AMZ2: variants seen among roughly 807,000 people sequenced by gnomAD.
AMZ2 encodes archaemetzincin-2.
In AMZ2, 26 loss-of-function variants were observed where a neutral mutation model predicts 36.7. The observed-to-expected ratio is 0.71, with a 90% CI of 0.52 to 0.98. AMZ2 has a LOEUF of 0.98. Among genes scored for constraint, AMZ2 ranks in the 50% least tolerant of loss-of-function variants. The probability of loss-of-function intolerance (pLI) is 0.00; values close to 1 mark genes in which losing one functional copy is unlikely to be tolerated. For synonymous variants in AMZ2, 144 were observed against 149.1 expected (o/e 0.97, Z 0.25); for missense variants, 394 against 430.5 (o/e 0.92, Z 0.75).
At chr17:68,252,997 G>T (rs1247083121) in intron 4 of AMZ2, among the ~76,000 whole-genome samples, 1 of 152,132 alleles carries the variant, frequency 6.6e-6, no homozygotes, top group African/African-American at 2.4e-5. Flanking sequence ...GAAAGTAGCA[G>T]GATTAGACAG....
rs117775859 is a variant in AMZ2 at position 68,235,144 on chromosome 17, G to A, written c.-66-13496G>A. On this transcript the variant is annotated intron_variant, in intron 1 of 7. Transcript: ENST00000674770. This position sits in a 1 kb window ranked among gnomAD's most constrained non-coding sequence, Gnocchi z 4.2. ...GGCCCTTTTGTCAGCGGGCATTTCC[G>A]TAATTAGAACTTGTGACCAACACAT... Among the ~76,000 whole-genome samples, 2 of 152,176 alleles carry A rather than the reference G, an allele frequency of 1.3e-5. No individual in the cohort carries two copies. Among genetic ancestry groups the A allele is most frequent in the South Asian group, 2.1e-4 (1 of 4,834 alleles).
At chr17:68,231,302 C>T (rs1471542805) in intron 1 of AMZ2, among the ~76,000 whole-genome samples, 2 of 152,202 alleles carry the variant, frequency 1.3e-5, no homozygotes, top group Non-Finnish European at 2.9e-5. Flanking sequence ...AATTCCTGGG[C>T]TTACATGATC....
At chr17:68,222,485 A>T (rs2073393268) in intron 1 of AMZ2, among the ~76,000 whole-genome samples, 1 of 152,212 alleles carries the variant, frequency 6.6e-6, no homozygotes, top group Admixed American at 6.5e-5. Flanking sequence ...GGGATGATTA[A>T]AGCATATTAC....
chr17:68,216,857 C>T (rs1310044863), intron 1 of AMZ2, among the ~76,000 whole-genome samples: 2 of 151,940 alleles, frequency 1.3e-5, no homozygotes, highest in African/African-American at 4.8e-5. Context: ...GGTGAAATCC[C>T]ATCTCTACTA....
Position 68,254,509 on chromosome 17 carries a change from T to C in AMZ2, c.692T>C (p.Ile231Thr). The change falls in exon 5 of 7, where the codon ATT becomes ACT. Residue 231 changes from isoleucine (I) to threonine (T), a missense_variant. Coordinates refer to ENST00000359904, the MANE Select transcript of AMZ2 (RefSeq NM_016627.5). ...LKKTSSSDYS[I>T]FDNYYIPEIT... ...AAAACATCTTCAAGTGACTATTCAA[T>C]TTTCGACAACTATTATATTCCAGAA... 2 of 1,613,488 alleles carry C rather than the reference T, an allele frequency of 1.2e-6. No homozygotes were observed. The highest frequency in any genetic ancestry group is 8.5e-7 in the Non-Finnish European group (1 of 1,179,620).
chr17:68,248,025 G>C (rs781471721), upstream of AMZ2: 152 of 986,536 alleles, frequency 1.5e-4, no homozygotes, highest in Non-Finnish European at 1.8e-4. Context: ...CGTGGCGCCA[G>C]TGGGCGTGGC....
chr17:68,250,192 A>G lies in AMZ2; in HGVS notation c.5A>G (p.Gln2Arg), dbSNP rs2074341016. Reference protein sequence around the residue: MQIIRHSEQTLK... With the variant: MRIIRHSEQTLK... ...TTACTTGCTTTTTTTTGTTAGATGC[A>G]AATAATACGGCACTCCGAACAGACA... Residue 2 changes from glutamine (Q) to arginine (R), a missense_variant, in exon 2 of 7, where the codon CAA (glutamine) becomes CGA (arginine). Transcript: ENST00000359904. The G allele has an allele frequency of 6.2e-7, 1 of 1,609,394 alleles. No individual in the cohort carries two copies. The highest frequency in any genetic ancestry group is 8.5e-7 in the Non-Finnish European group (1 of 1,178,158).
At chr17:68,247,799 G>T, upstream of AMZ2, 1 of 985,580 alleles carries the variant, frequency 1.0e-6, no homozygotes, top group Non-Finnish European at 1.2e-6. Flanking sequence ...CGCCGCGAGC[G>T]CAAGCGAGGA....
upstream of AMZ2, among the ~76,000 whole-genome samples, chr17:68,246,370 GTAA>G (rs1284917016): frequency 2.6e-5 from 4 of 151,866 alleles, no homozygotes; most frequent in Non-Finnish European, 2.9e-5. Flanking sequence ...TTCGTGTCAA[GTAA>G]TAATAATAAA....
chr17:68,216,712 T>C (rs1283547859), intron 1 of AMZ2, among the ~76,000 whole-genome samples: 1 of 152,160 alleles, frequency 6.6e-6, no homozygotes, highest in Non-Finnish European at 1.5e-5. Context: ...TGTAATGGTT[T>C]TTGTTATATC....
At chr17:68,220,762 C>CT (rs1157247755) in intron 1 of AMZ2, among the ~76,000 whole-genome samples, 1 of 145,988 alleles carries the variant, frequency 6.8e-6, no homozygotes, top group Non-Finnish European at 1.5e-5. Flanking sequence ...ATCAGGGACA[C>CT]TTTTTTTCTT....
chr17:68,211,058 T>C (rs2073031379), intron 1 of AMZ2, among the ~76,000 whole-genome samples: 1 of 152,142 alleles, frequency 6.6e-6, no homozygotes, highest in African/African-American at 2.4e-5. Context: ...AAATCTTGTT[T>C]AGTGAAATCA....
intron 1 of AMZ2, among the ~76,000 whole-genome samples, chr17:68,241,653 T>C (rs1476651362): frequency 6.6e-6 from 1 of 152,108 alleles, no homozygotes; most frequent in Non-Finnish European, 1.5e-5. Context: ...TACAATGCTT[T>C]TAGTACTTCT....
chr17:68,218,257 T>C (rs2073253150), intron 1 of AMZ2, among the ~76,000 whole-genome samples: 1 of 152,246 alleles, frequency 6.6e-6, no homozygotes, highest in African/African-American at 2.4e-5. Context: ...ATCTTTGCTC[T>C]GAAATTAGGA....
intron 1 of AMZ2, among the ~76,000 whole-genome samples, chr17:68,225,458 C>G (rs1221288302): frequency 1.3e-5 from 2 of 152,180 alleles, no homozygotes; most frequent in African/African-American, 4.8e-5. Flanking sequence ...GAATTCAGCT[C>G]TCCTCTATTT....
chr17:68,250,685 A>C (rs1555738980), intron 2 of AMZ2, 109 bp from the exon 3 acceptor site: 1 of 1,233,498 alleles, frequency 8.1e-7, no homozygotes, highest in Non-Finnish European at 1.1e-6. Flanking sequence ...AAGGTTATTG[A>C]AAATTTAGAG....
At chr17:68,231,259 G>C (rs2073656556) in intron 1 of AMZ2, among the ~76,000 whole-genome samples, 1 of 151,824 alleles carries the variant, frequency 6.6e-6, no homozygotes, top group African/African-American at 2.4e-5. Flanking sequence ...TTAGTAGAGA[G>C]GGTTTTCTCC....
At chr17:68,214,322 T>C (rs1158052766) in intron 1 of AMZ2, among the ~76,000 whole-genome samples, 1 of 152,194 alleles carries the variant, frequency 6.6e-6, no homozygotes, top group Non-Finnish European at 1.5e-5. Context: ...AGCGATGGCA[T>C]GGAAAGGCCT....
At chr17:68,230,327 G>A (rs1483634908) in intron 1 of AMZ2, among the ~76,000 whole-genome samples, 7 of 152,210 alleles carry the variant, frequency 4.6e-5, no homozygotes, top group African/African-American at 1.7e-4. Flanking sequence ...ACTCGCCTCG[G>A]CCTCCCACAG....
Sources: allele counts gnomAD v4.1 joint callset (sites outside exome capture counted in the v4.1 genomes callset), GRCh38; gene constraint gnomAD v4.1.1; non-coding constraint Gnocchi (gnomAD v3.1); transcripts MANE v1.5; gene names NCBI Gene and HGNC (gene_info 2026-07-23, HGNC 2026-07-21).